Variants in ZFYVE26 observed in about 807,000 individuals in gnomAD.
The protein encoded by ZFYVE26 is zinc finger FYVE domain-containing protein 26.
A neutral mutation model predicts 276.5 loss-of-function variants in ZFYVE26; 181 were observed. That is an observed-to-expected ratio of 0.65 (90% CI 0.58 to 0.74). The LOEUF (loss-of-function observed/expected upper bound fraction) is 0.74. Among genes scored for constraint, ZFYVE26 ranks in the 30% least tolerant of loss-of-function variants. ZFYVE26 has a pLI of 0.00. For missense variants in ZFYVE26, 2,821 were observed against 3,097.9 expected, an observed-to-expected ratio of 0.91 and a Z score of 2.12; for synonymous variants, 1,129 against 1,203.1, an observed-to-expected ratio of 0.94 and a Z score of 1.27.
rs778455420 is a variant in ZFYVE26 at position 67,815,796 on chromosome 14, T to G, written c.168A>C (p.Ala56=). The G allele has an allele frequency of 6.2e-6, 10 of 1,613,584 alleles. No homozygotes were observed. Among genetic ancestry groups the G allele is most frequent in the Non-Finnish European group, 8.5e-6 (10 of 1,180,028 alleles). Residue 56 remains alanine, a synonymous_variant, in exon 2 of 42, where the codon GCA becomes GCC. Transcript: ENST00000347230. ...IPKRVEDILQ[A]LVVCPNLLRC... is the part of the protein sequence containing the mutation. ...TCAGCAGATTTGGACACACCACCAA[T>G]GCCTGAAGTATGTCTTCTACCCTCT...
At chr14:67,733,595 A>T (rs2140162184) in intron 13 of ZFYVE26, 2 of 577,956 alleles carry the variant, frequency 3.5e-6, no homozygotes, top group East Asian at 7.1e-5. Flanking sequence ...TTTTTAAAAT[A>T]TTTTTGGAGT....
intron 32 of ZFYVE26, among the ~76,000 whole-genome samples, chr14:67,765,872 C>G (rs999818012): frequency 6.6e-6 from 1 of 152,144 alleles, no homozygotes; most frequent in Non-Finnish European, 1.5e-5. Flanking sequence ...TCAAGGAGGA[C>G]ACATTTTCTT....
intron 13 of ZFYVE26, among the ~76,000 whole-genome samples, chr14:67,731,207 CTTTTTTTTTTTTTTT>C (rs71129853): frequency 1.1e-5 from 1 of 90,622 alleles, no homozygotes; most frequent in Non-Finnish European, 2.0e-5. Context: ...TTCTTTCTTT[CTTTTTTTTTTTTTTT>C]TTTTTTTTTG....
At chr14:67,805,644 G>A in intron 6 of ZFYVE26, 26 bp from the exon 7 acceptor site, 1 of 1,611,290 alleles carries the variant, frequency 6.2e-7, no homozygotes, top group Non-Finnish European at 8.5e-7. Context: ...AGCTGTTATA[G>A]GCAGCTATGT....
chr14:67,801,051 GAC>G (rs1331259023), intron 10 of ZFYVE26, among the ~76,000 whole-genome samples: 1 of 151,948 alleles, frequency 6.6e-6, no homozygotes, highest in Non-Finnish European at 1.5e-5. Flanking sequence ...TCAGGAGTTC[GAC>G]ACCAGCCTGG....
At chr14:67,801,869 G>A (rs1343142924) in intron 10 of ZFYVE26, among the ~76,000 whole-genome samples, 1 of 152,222 alleles carries the variant, frequency 6.6e-6, no homozygotes, top group Non-Finnish European at 1.5e-5. Context: ...CATACTAGGT[G>A]ATCAGACTCT....
intron 5 of ZFYVE26, 138 bp downstream of exon 5, chr14:67,807,260 G>C (rs2040200358): frequency 8.9e-7 from 1 of 1,124,762 alleles, no homozygotes; most frequent in Non-Finnish European, 1.3e-6. Context: ...TTTTACGAAA[G>C]AGCATCGCAC....
At chr14:67,803,283 G>C (rs117850627) in intron 9 of ZFYVE26, among the ~76,000 whole-genome samples, 2 of 152,138 alleles carry the variant, frequency 1.3e-5, no homozygotes, top group Non-Finnish European at 2.9e-5. Flanking sequence ...CTTTTTAATG[G>C]GGTCTTGAAT....
intron 25 of ZFYVE26, among the ~76,000 whole-genome samples, chr14:67,776,342 A>T (rs572884161): frequency 6.6e-6 from 1 of 152,346 alleles, no homozygotes; most frequent in African/African-American, 2.4e-5. Context: ...TTTTCCTATA[A>T]AGGATCAGAG....
rs764979346 is a variant in ZFYVE26 at position 67,775,027 on chromosome 14, G to A, written c.5309C>T (p.Ala1770Val). The change falls in exon 27 of 42, where the codon GCT becomes GTT. Residue 1770 changes from alanine to valine, a missense_variant. Ala to Val is a moderately conservative substitution (Grantham distance 64). Transcript: ENST00000347230. ...PRSPSAEFSP[A>V]APPGISSIHS... ...GAGCCAGTTCTTACCAGGAGGAGCA[G>A]CAGGAGAGAACTCTGCTGATGGTGA... 9 of 1,610,486 alleles carry A rather than the reference G, an allele frequency of 5.6e-6. No individual in the cohort carries two copies. The highest frequency in any genetic ancestry group is 6.8e-6 in the Non-Finnish European group (8 of 1,178,306).
chr14:67,742,247 G>A (rs183698584), downstream of ZFYVE26, among the ~76,000 whole-genome samples: 2 of 152,328 alleles, frequency 1.3e-5, no homozygotes, highest in African/African-American at 4.8e-5. Flanking sequence ...ACTGTGAGGA[G>A]GGGTAAATGG....
Position 67,783,460 on chromosome 14 carries a change from C to T in ZFYVE26, c.3692G>A (p.Cys1231Tyr), listed in dbSNP as rs201845145. ...TGAGCAAAGAGCAAGGGGCTCACAGCAGCAGCTGACGATGACCTGTGGCAC... is the reference window on the plus strand; with the variant it reads ...TGAGCAAAGAGCAAGGGGCTCACAGTAGCAGCTGACGATGACCTGTGGCAC... ...LSVPQVIVSC[C>Y]CEPLALCSSR... The change falls in exon 21 of 42, where the codon TGC becomes TAC. Residue 1231 changes from cysteine (C) to tyrosine (Y), a missense_variant. Physicochemically the swap from Cys to Tyr is radical, Grantham distance 194 (BLOSUM62 -2). Transcript: ENST00000347230. 1.2e-6 allele frequency: 2 copies of T among 1,614,060 alleles called. No homozygotes were observed. The highest frequency in any genetic ancestry group is 2.2e-5 in the South Asian group (2 of 91,086).
In ZFYVE26 at chr14:67,756,087, T is replaced by G; in HGVS notation, c.6647A>C (p.Lys2216Thr). The G allele has an allele frequency of 6.2e-7, 1 of 1,614,228 alleles. No homozygotes were observed. Among genetic ancestry groups the G allele is most frequent in the South Asian group, 1.1e-5 (1 of 91,084 alleles). ...GIFQPSYKSG[K>T]LHTLENLLES... ...TAGCAAGTTCTCCAAAGTGTGTAGCTTCCCACTTTTATAGCTTGGTTGGAA... is the reference window on the plus strand; with the variant it reads ...TAGCAAGTTCTCCAAAGTGTGTAGCGTCCCACTTTTATAGCTTGGTTGGAA... Residue 2216 changes from lysine (K) to threonine (T), a missense_variant, in exon 36 of 42, where the codon AAG becomes ACG. By Grantham distance (78) the Lys-to-Thr change is moderately conservative. Coordinates refer to ENST00000347230, the MANE Select transcript of ZFYVE26 (RefSeq NM_015346.4).
intron 40 of ZFYVE26, 123 bp downstream of exon 40, chr14:67,752,221 G>A (rs1185608237): frequency 2.3e-6 from 3 of 1,296,526 alleles, no homozygotes; most frequent in African/African-American, 1.5e-5. Context: ...TTGCAGAGGG[G>A]TTCAGAATGA....
Position 67,797,733 on chromosome 14 carries a change from G to A in ZFYVE26, c.2271C>T (p.Tyr757=), listed in dbSNP as rs1167190644. The A allele has an allele frequency of 6.2e-7, 1 of 1,614,160 alleles. No individual in the cohort carries two copies. The highest frequency in any genetic ancestry group is 2.2e-5 in the East Asian group (1 of 44,876). The change falls in exon 12 of 42, where the codon TAC becomes TAT. Residue 757 remains tyrosine (Y), a synonymous_variant. Transcript: ENST00000347230. ...HRSEEQPSRR[Y]QPATRHPSLR... is the part of the protein sequence containing the mutation. Reference sequence around the variant, plus strand: ...GACTGGGGTGACGTGTGGCAGGCTGGTATCTTCGGGAAGGTTGCTCCTCTG... The same window carrying A: ...GACTGGGGTGACGTGTGGCAGGCTGATATCTTCGGGAAGGTTGCTCCTCTG...
At chr14:67,778,419 C>T in intron 23 of ZFYVE26, 171 bp from the exon 24 acceptor site, 1 of 781,242 alleles carries the variant, frequency 1.3e-6, no homozygotes, top group Non-Finnish European at 2.0e-6. Context: ...CTTAGCACTA[C>T]CATAAAAAAA....
At chr14:67,774,866 T>C (rs2039298918) in intron 27 of ZFYVE26, 150 bp downstream of exon 27, 2 of 641,690 alleles carry the variant, frequency 3.1e-6, no homozygotes, top group East Asian at 2.7e-5. Flanking sequence ...TTGAGATATA[T>C]ATAAATCTGG....
chr14:67,755,111 C>T lies in ZFYVE26; in HGVS notation c.6926G>A (p.Ser2309Asn). The change falls in exon 37 of 42, where the codon AGC (serine) becomes AAC (asparagine). Residue 2309 changes from serine to asparagine, a missense_variant. Ser to Asn is a conservative substitution (Grantham distance 46). Transcript: ENST00000347230. Reference protein sequence around the residue: ...LKIYLQETSRSSGRKKTTFFR... With the variant: ...LKIYLQETSRNSGRKKTTFFR... ...GAATGTGGTTTTCTTCCTTCCAGAG[C>T]TGCGGGATGTTTCTTGGAGGTAGAT... The T allele has an allele frequency of 1.2e-6, 2 of 1,614,180 alleles. No homozygotes were observed. Among genetic ancestry groups the T allele is most frequent in the Non-Finnish European group, 1.7e-6 (2 of 1,180,042 alleles).
intron 35 of ZFYVE26, 99 bp from the exon 36 acceptor site, chr14:67,756,244 T>C (rs2038777579): frequency 4.1e-6 from 5 of 1,205,746 alleles, no homozygotes; most frequent in Non-Finnish European, 4.9e-6. Context: ...ACCTTCAGCA[T>C]CCTCCCAATG....
Sources: allele counts gnomAD v4.1 joint callset (sites outside exome capture counted in the v4.1 genomes callset), GRCh38; gene constraint gnomAD v4.1.1; transcripts MANE v1.5; gene names NCBI Gene and HGNC (gene_info 2026-07-23, HGNC 2026-07-21).